Variants in ZMAT4 observed in about 807,000 individuals in gnomAD.
ZMAT4 encodes the protein zinc finger matrin-type 4, also known as zinc finger matrin-type protein 4.
A neutral mutation model predicts 28.7 loss-of-function variants in ZMAT4; 17 were observed. That is an observed-to-expected ratio of 0.59 (90% CI 0.41 to 0.89). The LOEUF (loss-of-function observed/expected upper bound fraction) is 0.89, where lower values mean the gene tolerates loss of function less well. ZMAT4 is among the 40% of genes least tolerant of loss of function. The pLI, the probability that ZMAT4 is intolerant of heterozygous loss-of-function variation, is 0.00. For missense variants in ZMAT4, 240 were observed against 283.8 expected (o/e 0.85, Z 1.11); for synonymous variants, 117 against 109.2 (o/e 1.07, Z -0.44).
At position 40,799,172 on chromosome 8, in the gene ZMAT4, TAGAG is replaced by T. The variant is rs113084676; in HGVS notation, c.102+26399_102+26402del. Among the ~76,000 whole-genome samples, 265 of 148,048 alleles carry T rather than the reference TAGAG, an allele frequency of 1.8e-3. 1 individual carries two copies. Among genetic ancestry groups the T allele is most frequent in the African/African-American group, 5.2e-3 (207 of 40,046 alleles). On this transcript the variant is annotated intron_variant, in intron 2 of 6. Coordinates refer to ENST00000297737, the MANE Select transcript of ZMAT4 (RefSeq NM_024645.3). ...CTGGCTGGCTGGATGGATGGATGAATAGAGAGAGAGAGAGACAGAGAGAAGGATA... is the reference window on the plus strand; with the variant it reads ...CTGGCTGGCTGGATGGATGGATGAATAGAGAGAGAGACAGAGAGAAGGATA...
intron 5 of ZMAT4, among the ~76,000 whole-genome samples, chr8:40,639,919 G>T (rs113758530): frequency 6.4e-4 from 98 of 152,070 alleles, no homozygotes; most frequent in African/African-American, 2.2e-3. Flanking sequence ...TAACTCCCTT[G>T]TCTGGTCCTC....
At chr8:40,692,437 T>C (rs1159651437) in intron 4 of ZMAT4, among the ~76,000 whole-genome samples, 2 of 152,206 alleles carry the variant, frequency 1.3e-5, no homozygotes, top group Admixed American at 1.3e-4. Flanking sequence ...TAAGGGATAA[T>C]GTAGCCACCA....
At chr8:40,662,147 T>A (rs990960293) in intron 5 of ZMAT4, among the ~76,000 whole-genome samples, 1 of 151,738 alleles carries the variant, frequency 6.6e-6, no homozygotes, top group African/African-American at 2.4e-5. Context: ...TGGCTAATTT[T>A]TTTTTTTATT....
intron 1 of ZMAT4, among the ~76,000 whole-genome samples, chr8:40,838,387 G>A (rs1816575087): frequency 6.6e-6 from 1 of 152,086 alleles, no homozygotes; most frequent in African/African-American, 2.4e-5. Context: ...CTCTTACCCA[G>A]CCTGGAGTGC....
intron 5 of ZMAT4, among the ~76,000 whole-genome samples, chr8:40,592,515 T>C (rs1268303169): frequency 6.6e-6 from 1 of 152,214 alleles, no homozygotes; most frequent in Admixed American, 6.5e-5. Context: ...CAATTATTTC[T>C]CTATTTAAAT....
At chr8:40,835,430 G>T (rs1258760693) in intron 1 of ZMAT4, among the ~76,000 whole-genome samples, 2 of 152,156 alleles carry the variant, frequency 1.3e-5, no homozygotes, top group Non-Finnish European at 2.9e-5. Context: ...GCCTACGTGG[G>T]TCCCCCCACT....
At chr8:40,724,025 C>A (rs1811216080) in intron 3 of ZMAT4, among the ~76,000 whole-genome samples, 1 of 152,202 alleles carries the variant, frequency 6.6e-6, no homozygotes, top group South Asian at 2.1e-4. Flanking sequence ...CCCCAAAGAT[C>A]CAGATAAGCA....
chr8:40,695,768 ATTTTTTTTTTTTT>A (rs756360990), intron 4 of ZMAT4, among the ~76,000 whole-genome samples: 46 of 58,502 alleles, frequency 7.9e-4, no homozygotes, highest in African/African-American at 1.8e-3. Flanking sequence ...CCATGTGGCA[ATTTTTTTTTTTTT>A]TTTTTTTTTT....
chr8:40,552,615 CAT>C (rs1803399270), intron 6 of ZMAT4, among the ~76,000 whole-genome samples: 1 of 152,130 alleles, frequency 6.6e-6, no homozygotes, highest in Admixed American at 6.5e-5. Flanking sequence ...TATGAAAACA[CAT>C]ATATAAACAT....
At chr8:40,847,736 G>A (rs549704188) in intron 1 of ZMAT4, among the ~76,000 whole-genome samples, 18 of 152,082 alleles carry the variant, frequency 1.2e-4, no homozygotes, top group Non-Finnish European at 2.2e-4. Flanking sequence ...GGAAATGAAG[G>A]CACCTGCAGA....
At chr8:40,687,862 A>G (rs1809484881) in intron 4 of ZMAT4, among the ~76,000 whole-genome samples, 1 of 152,216 alleles carries the variant, frequency 6.6e-6, no homozygotes, top group South Asian at 2.1e-4. Context: ...TCCACTAATC[A>G]GGAAATAATC....
At chr8:40,626,067 G>A (rs558709076) in intron 5 of ZMAT4, among the ~76,000 whole-genome samples, 49 of 149,160 alleles carry the variant, frequency 3.3e-4, no homozygotes, top group Non-Finnish European at 6.2e-4. Context: ...CTGAGATTGC[G>A]CCATTGCACT....
At chr8:40,569,907 A>T (rs767807010) in intron 6 of ZMAT4, among the ~76,000 whole-genome samples, 1 of 152,166 alleles carries the variant, frequency 6.6e-6, no homozygotes, top group Non-Finnish European at 1.5e-5. Flanking sequence ...AAAAACACTA[A>T]AGAAACGTCG....
chr8:40,737,824 T>C (rs186929807), intron 3 of ZMAT4, among the ~76,000 whole-genome samples: 5 of 151,614 alleles, frequency 3.3e-5, no homozygotes, highest in Admixed American at 3.3e-4. Context: ...TTTTTTTTTT[T>C]AATGAAGAGG....
chr8:40,571,643 C>T (rs1034054961), intron 6 of ZMAT4, among the ~76,000 whole-genome samples: 1 of 152,130 alleles, frequency 6.6e-6, no homozygotes, highest in Non-Finnish European at 1.5e-5. Context: ...ACAAGTCTTA[C>T]TTTCAGGGAG....
intron 2 of ZMAT4, chr8:40,786,826 T>C (rs1443041509): frequency 2.9e-6 from 3 of 1,026,460 alleles, no homozygotes; most frequent in Non-Finnish European, 2.6e-6. Context: ...CAGAAGAAAA[T>C]TGGGATTGCA....
chr8:40,610,909 G>A (rs1414976925), intron 5 of ZMAT4, among the ~76,000 whole-genome samples: 1 of 144,784 alleles, frequency 6.9e-6, no homozygotes. Context: ...CCTATTCTCA[G>A]ACTTAAAAAC....
At chr8:40,668,318 A>G (rs1808519948) in intron 5 of ZMAT4, among the ~76,000 whole-genome samples, 1 of 151,908 alleles carries the variant, frequency 6.6e-6, no homozygotes, top group African/African-American at 2.4e-5. Flanking sequence ...AAAAATACAA[A>G]AATTAACCAG....
At chr8:40,663,365 G>A (rs1808281302) in intron 5 of ZMAT4, among the ~76,000 whole-genome samples, 2 of 152,002 alleles carry the variant, frequency 1.3e-5, no homozygotes, top group East Asian at 1.9e-4. Context: ...TTTGTGTTAC[G>A]TTTATTTCAA....
Sources: allele counts gnomAD v4.1 joint callset (sites outside exome capture counted in the v4.1 genomes callset), GRCh38; gene constraint gnomAD v4.1.1; transcripts MANE v1.5; gene names NCBI Gene and HGNC (gene_info 2026-07-23, HGNC 2026-07-21).